The following ENOX1 variants were observed in gnomAD, a reference collection of about 807,000 sequenced individuals.
ENOX1 encodes the protein candidate growth-related and time keeping constitutive hydroquinone (NADH) oxidase.
Under a neutral mutation model 82.5 loss-of-function variants are expected in ENOX1, and 42 were observed. The observed-to-expected ratio is 0.51, with a 90% CI of 0.40 to 0.66. The LOEUF is 0.66. Among genes scored for constraint, ENOX1 ranks in the 30% least tolerant of loss-of-function variants. The pLI is 0.00. For missense variants in ENOX1, 608 were observed against 811.6 expected, an observed-to-expected ratio of 0.75 and a Z score of 3.05; for synonymous variants, 271 against 282.2, an observed-to-expected ratio of 0.96 and a Z score of 0.40.
rs142973494 is a variant in ENOX1, at chr13:43,570,098, A to G, written c.-218-85946T>C. ...ACTGAGGATACCTTTAAGATTTTCC[A>G]TTAGGGAGAAAAAGGGAATAGTGAT... On this transcript the variant is annotated intron_variant, in intron 2 of 16. Coordinates refer to ENST00000690772, the MANE Select transcript of ENOX1 (RefSeq NM_001347969.2). 1.8e-3 allele frequency among the ~76,000 whole-genome samples: 270 copies of G among 152,320 alleles called. 1 individual carries two copies. Among genetic ancestry groups the G allele is most frequent in the Non-Finnish European group, 2.8e-3 (190 of 68,030 alleles).
chr13:43,238,945 G>A (rs1032891807), intron 14 of ENOX1, among the ~76,000 whole-genome samples: 2 of 152,092 alleles, frequency 1.3e-5, no homozygotes, highest in Non-Finnish European at 2.9e-5. Context: ...AGGCAAGGGT[G>A]GAACAGACAG....
intron 15 of ENOX1, among the ~76,000 whole-genome samples, chr13:43,228,571 C>T (rs961892341): frequency 6.6e-6 from 1 of 152,236 alleles, no homozygotes; most frequent in Non-Finnish European, 1.5e-5. Context: ...TACCCAAAAG[C>T]ACTCTGAGCT....
At chr13:43,497,730 A>G (rs529714019) in intron 2 of ENOX1, among the ~76,000 whole-genome samples, 1 of 152,238 alleles carries the variant, frequency 6.6e-6, no homozygotes, top group African/African-American at 2.4e-5. Flanking sequence ...ACTTGGTATT[A>G]GAATTACAAA....
chr13:43,721,299 G>A (rs2088557574), intron 1 of ENOX1, among the ~76,000 whole-genome samples: 1 of 150,692 alleles, frequency 6.6e-6, no homozygotes, highest in Admixed American at 6.6e-5. Context: ...ATTTTCTTAG[G>A]ATATTAAATA....
chr13:43,359,343 G>A (rs1010931272), intron 7 of ENOX1, among the ~76,000 whole-genome samples: 4 of 152,152 alleles, frequency 2.6e-5, no homozygotes, highest in African/African-American at 4.8e-5. Context: ...TGTAAAAATC[G>A]CCTATAAAAA....
At chr13:43,388,660 C>T (rs1054291010) in intron 5 of ENOX1, among the ~76,000 whole-genome samples, 1 of 152,126 alleles carries the variant, frequency 6.6e-6, no homozygotes, top group Admixed American at 6.5e-5. Context: ...AGGGTCAAAT[C>T]CTAAGGTAAA....
At chr13:43,247,776 C>T (rs2043153865) in intron 14 of ENOX1, among the ~76,000 whole-genome samples, 1 of 127,650 alleles carries the variant, frequency 7.8e-6, no homozygotes. Flanking sequence ...ATAATCTCTA[C>T]AGAGCAACAG....
intron 2 of ENOX1, among the ~76,000 whole-genome samples, chr13:43,513,256 C>G (rs2077437962): frequency 6.6e-6 from 1 of 152,054 alleles, no homozygotes; most frequent in South Asian, 2.1e-4. Context: ...TTGTAGTGAG[C>G]TGAGATCACG....
intron 3 of ENOX1, among the ~76,000 whole-genome samples, chr13:43,424,989 G>A (rs993397752): frequency 1.3e-5 from 2 of 152,228 alleles, no homozygotes; most frequent in Admixed American, 1.3e-4. Context: ...AGTGCTGCTG[G>A]TTATATCCAG....
intron 1 of ENOX1, among the ~76,000 whole-genome samples, chr13:43,740,525 T>C (rs1451360375): frequency 1.3e-5 from 2 of 152,206 alleles, no homozygotes; most frequent in African/African-American, 4.8e-5. Flanking sequence ...TGCAGGTTTG[T>C]CACATAGGTA....
chr13:43,344,123 C>T (rs1481003140), intron 9 of ENOX1, among the ~76,000 whole-genome samples: 2 of 152,200 alleles, frequency 1.3e-5, no homozygotes, highest in Non-Finnish European at 2.9e-5. Flanking sequence ...CCTTTTCCTA[C>T]ACAGAGCCCA....
intron 3 of ENOX1, among the ~76,000 whole-genome samples, chr13:43,483,686 C>A (rs1215328187): frequency 6.6e-6 from 1 of 152,080 alleles, no homozygotes; most frequent in East Asian, 1.9e-4. Context: ...TTAACTAAAT[C>A]TGATATATGT....
At chr13:43,302,815 G>A (rs1200138150) in intron 11 of ENOX1, among the ~76,000 whole-genome samples, 1 of 152,156 alleles carries the variant, frequency 6.6e-6, no homozygotes, top group Non-Finnish European at 1.5e-5. Context: ...AGAAAGCCTT[G>A]AAATCTCTTT....
intron 2 of ENOX1, among the ~76,000 whole-genome samples, chr13:43,594,603 T>G (rs1188188139): frequency 2.6e-5 from 4 of 152,144 alleles, no homozygotes; most frequent in African/African-American, 9.7e-5. Context: ...GCCCTCCCTT[T>G]ATTATCTCAC....
intron 1 of ENOX1, among the ~76,000 whole-genome samples, chr13:43,735,546 C>A (rs1441510807): frequency 1.3e-5 from 2 of 152,006 alleles, no homozygotes; most frequent in East Asian, 3.9e-4. Context: ...ACAGTGAAAC[C>A]CCGTCTCTAC....
At position 43,224,128 on chromosome 13, in the gene ENOX1, T is replaced by G; in HGVS notation, c.1725A>C (p.Ser575=). Residue 575 remains serine, a synonymous_variant, in exon 16 of 17, where the codon TCA becomes TCC. Transcript: ENST00000690772. ...CAAAAGGATGGACGTGAAGAAACGT[T>G]GATATGATACCTGAATTAAAAAGGC... ...EKEALLIGII[S]TFLHVHPFGA... is the part of the protein sequence containing the mutation. 1 of 1,613,628 alleles carries G rather than the reference T, an allele frequency of 6.2e-7. No individual in the cohort carries two copies. The highest frequency in any genetic ancestry group is 8.5e-7 in the Non-Finnish European group (1 of 1,179,560).
intron 1 of ENOX1, among the ~76,000 whole-genome samples, chr13:43,769,912 T>G (rs1482166276): frequency 6.6e-6 from 1 of 152,206 alleles, no homozygotes; most frequent in African/African-American, 2.4e-5. Context: ...AACGCCTAAC[T>G]GGCAATAGTG....
intron 3 of ENOX1, among the ~76,000 whole-genome samples, chr13:43,467,196 T>G (rs2057765228): frequency 6.6e-6 from 1 of 152,230 alleles, no homozygotes; most frequent in Non-Finnish European, 1.5e-5. Context: ...AGGTGTTTTA[T>G]CAAAGTGGTT....
intron 2 of ENOX1, chr13:43,544,396 T>C (rs1233554106): frequency 6.6e-6 from 1 of 152,156 alleles, no homozygotes; most frequent in Non-Finnish European, 1.5e-5. Flanking sequence ...ATATTTTGAA[T>C]TATAATAAAA....
Sources: allele counts gnomAD v4.1 joint callset (sites outside exome capture counted in the v4.1 genomes callset), GRCh38; gene constraint gnomAD v4.1.1; transcripts MANE v1.5; gene names NCBI Gene and HGNC (gene_info 2026-07-23, HGNC 2026-07-21).